Variants in DLC1 observed in about 807,000 individuals in gnomAD.
The protein encoded by DLC1 is DLC1 Rho GTPase activating protein, also known as rho GTPase-activating protein 7.
Under a neutral mutation model 140.3 loss-of-function variants are expected in DLC1, and 54 were observed. That is an observed-to-expected ratio of 0.38 (90% CI 0.31 to 0.48). The LOEUF is 0.48. DLC1 is among the 20% of genes least tolerant of loss of function. The pLI is 0.96. For missense variants in DLC1, 2,536 were observed against 1,907.0 expected (o/e 1.33, Z -6.14); for synonymous variants, 986 against 728.1 (o/e 1.35, Z -5.70).
At chr8:13,133,842 A>C (rs1460725365) in intron 5 of DLC1, among the ~76,000 whole-genome samples, 2 of 152,080 alleles carry the variant, frequency 1.3e-5, no homozygotes, top group Non-Finnish European at 1.5e-5. Flanking sequence ...CAGTGTTTCC[A>C]GATCTGTAAA....
At chr8:13,561,856 G>A (rs1050257731) in intron 1 of DLC1, among the ~76,000 whole-genome samples, 5 of 152,188 alleles carry the variant, frequency 3.3e-5, no homozygotes, top group African/African-American at 1.2e-4. Flanking sequence ...TTCAAAATGT[G>A]TTGGAGGTAT....
chr8:13,367,765 A>G (rs1333458123), intron 4 of DLC1, among the ~76,000 whole-genome samples: 1 of 152,158 alleles, frequency 6.6e-6, no homozygotes, highest in Non-Finnish European at 1.5e-5. Context: ...TTCAGGATGA[A>G]TTCTGCAGGT....
At chr8:13,549,198 T>G (rs1182368716) in intron 1 of DLC1, among the ~76,000 whole-genome samples, 2 of 151,964 alleles carry the variant, frequency 1.3e-5, no homozygotes, top group East Asian at 1.9e-4. Flanking sequence ...CTCAAGTCAG[T>G]TAGGAGGCAG....
intron 5 of DLC1, chr8:13,133,390 G>A (rs939841973): frequency 1.9e-5 from 16 of 849,266 alleles, no homozygotes; most frequent in Non-Finnish European, 1.2e-5. Flanking sequence ...TGTCTGGGTC[G>A]CAGGCCTTAG....
At chr8:13,123,163 C>G (rs968518693) in intron 5 of DLC1, among the ~76,000 whole-genome samples, 1 of 152,096 alleles carries the variant, frequency 6.6e-6, no homozygotes, top group Non-Finnish European at 1.5e-5. Context: ...TTTGTTAAGC[C>G]CGAAGTGACC....
At chr8:13,453,413 T>TATAC (rs1799177453) in intron 2 of DLC1, among the ~76,000 whole-genome samples, 1 of 53,046 alleles carries the variant, frequency 1.9e-5, no homozygotes, top group Non-Finnish European at 3.0e-5. Flanking sequence ...TGTATATATA[T>TATAC]ATATATATAT....
intron 5 of DLC1, among the ~76,000 whole-genome samples, chr8:13,204,359 G>A (rs550524131): frequency 3.9e-5 from 6 of 152,062 alleles, no homozygotes; most frequent in Non-Finnish European, 5.9e-5. Flanking sequence ...GTTACTTGCC[G>A]GCCAATGTAA....
At chr8:13,567,600 C>A in intron 1 of DLC1, 1 of 1,551,722 alleles carries the variant, frequency 6.4e-7, no homozygotes, top group Middle Eastern at 1.7e-4. Context: ...CCTATTGTAA[C>A]AGGAAAAGAG....
chr8:13,312,143 C>T (rs1832691559), intron 4 of DLC1, among the ~76,000 whole-genome samples: 3 of 129,596 alleles, frequency 2.3e-5, no homozygotes, highest in Non-Finnish European at 5.1e-5. Flanking sequence ...GGGCGGATCA[C>T]GAGGTCAGGA....
intron 10 of DLC1, among the ~76,000 whole-genome samples, chr8:13,097,433 T>G (rs1818597655): frequency 6.6e-6 from 1 of 151,990 alleles, no homozygotes; most frequent in South Asian, 2.1e-4. Flanking sequence ...TCAGCTAATT[T>G]TTGTATTTTT....
At position 13,381,357 on chromosome 8, in the gene DLC1, C is replaced by T. The variant is rs138213078; in HGVS notation, c.1314+12196G>A. Among the ~76,000 whole-genome samples the T allele has an allele frequency of 3.4e-3, 522 of 152,220 alleles. 2 individuals carry two copies. Among genetic ancestry groups the T allele is most frequent in the African/African-American group, 0.012 (509 of 41,522 alleles). On this transcript the variant is annotated intron_variant, in intron 4 of 17. Transcript: ENST00000276297. ...TGCAAAAAAGGAGGTGCAAAGGCCACGTTAAGGAGATCACAGGTGTGGTAG... is the reference window on the plus strand; with the variant it reads ...TGCAAAAAAGGAGGTGCAAAGGCCATGTTAAGGAGATCACAGGTGTGGTAG...
intron 5 of DLC1, among the ~76,000 whole-genome samples, chr8:13,181,375 T>C (rs1169636725): frequency 1.3e-5 from 2 of 151,550 alleles, no homozygotes; most frequent in Admixed American, 6.6e-5. Flanking sequence ...CTAGGGTATA[T>C]GTGCACAACG....
intron 5 of DLC1, among the ~76,000 whole-genome samples, chr8:13,204,706 C>T (rs1827568510): frequency 6.6e-6 from 1 of 152,058 alleles, no homozygotes; most frequent in African/African-American, 2.4e-5. Context: ...GATCTGAAAA[C>T]ATAACATCTT....
chr8:13,219,033 T>C lies in DLC1; in HGVS notation c.1348+86236A>G, dbSNP rs1232263682. 3.0e-4 allele frequency among the ~76,000 whole-genome samples: 12 copies of C among 40,102 alleles called. 3 individuals carry two copies. Among genetic ancestry groups the C allele is most frequent in the South Asian group, 2.3e-3 (3 of 1,282 alleles). 26.3% of individuals were successfully genotyped at this position (40,102 alleles called of 152,430 possible). A position where few individuals can be genotyped will look rare whatever the true frequency, so the allele number is the denominator to read the frequency against. On this transcript the variant is annotated intron_variant, in intron 5 of 17. Transcript: ENST00000276297. Reference sequence around the variant, plus strand: ...ATATAATTATATACGTATATAATTATGTGAATATAATTATATACGAATATA... The same window carrying C: ...ATATAATTATATACGTATATAATTACGTGAATATAATTATATACGAATATA...
intron 5 of DLC1, among the ~76,000 whole-genome samples, chr8:13,265,155 CAT>C (rs1830632883): frequency 6.6e-6 from 1 of 152,168 alleles, no homozygotes; most frequent in Non-Finnish European, 1.5e-5. Flanking sequence ...GGTTTAAAAA[CAT>C]AGACTTTATT....
At chr8:13,501,463 G>A (rs1801814876) in intron 1 of DLC1, among the ~76,000 whole-genome samples, 2 of 152,140 alleles carry the variant, frequency 1.3e-5, no homozygotes, top group South Asian at 2.1e-4. Context: ...TACTTCACAC[G>A]AGAACTGTCA....
intron 4 of DLC1, among the ~76,000 whole-genome samples, chr8:13,309,874 C>A (rs747980383): frequency 9.2e-5 from 14 of 152,160 alleles, no homozygotes; most frequent in Non-Finnish European, 1.6e-4. Flanking sequence ...GAACCAATTT[C>A]TTCCTGATGA....
intron 5 of DLC1, among the ~76,000 whole-genome samples, chr8:13,169,500 G>T (rs890926636): frequency 6.6e-6 from 1 of 152,142 alleles, no homozygotes; most frequent in Non-Finnish European, 1.5e-5. Flanking sequence ...ATTCACTAAA[G>T]AACAGCTTTT....
At chr8:13,415,824 T>C (rs1178772776) in intron 2 of DLC1, among the ~76,000 whole-genome samples, 7 of 152,186 alleles carry the variant, frequency 4.6e-5, no homozygotes, top group Non-Finnish European at 7.3e-5. Context: ...CTGATAAATA[T>C]GGAACTATTG....
Sources: allele counts gnomAD v4.1 joint callset (sites outside exome capture counted in the v4.1 genomes callset), GRCh38; gene constraint gnomAD v4.1.1; transcripts MANE v1.5; gene names NCBI Gene and HGNC (gene_info 2026-07-23, HGNC 2026-07-21).